Variants in ERBB4 observed in about 807,000 individuals in gnomAD.
ERBB4 encodes the protein erb-b2 receptor tyrosine kinase 4, also known as receptor tyrosine-protein kinase erbB-4.
In ERBB4, 42 loss-of-function variants were observed where a neutral mutation model predicts 158.0. That is an observed-to-expected ratio of 0.27 (90% CI 0.21 to 0.34). The LOEUF is 0.34. ERBB4 is among the 10% of genes least tolerant of loss of function. ERBB4 has a pLI of 1.00. For synonymous variants in ERBB4, 583 were observed against 558.7 expected, an observed-to-expected ratio of 1.04 and a Z score of -0.61; for missense variants, 1,333 against 1,624.1, an observed-to-expected ratio of 0.82 and a Z score of 3.08.
chr2:212,527,935 T>C (rs1185546769), intron 1 of ERBB4, among the ~76,000 whole-genome samples: 1 of 145,114 alleles, frequency 6.9e-6, no homozygotes, highest in Non-Finnish European at 1.5e-5. Context: ...TTCCCATCTA[T>C]GAGTGAGAAC....
At chr2:212,186,648 C>A (rs1211230361) in intron 1 of ERBB4, among the ~76,000 whole-genome samples, 1 of 152,068 alleles carries the variant, frequency 6.6e-6, no homozygotes, top group Non-Finnish European at 1.5e-5. Flanking sequence ...CTTTTCTCTG[C>A]CACTTTTGCA....
At chr2:211,652,893 G>A (rs967937488) in intron 16 of ERBB4, among the ~76,000 whole-genome samples, 23 of 152,058 alleles carry the variant, frequency 1.5e-4, no homozygotes, top group African/African-American at 4.3e-4. Context: ...TTTTGCCAAT[G>A]GAAACTTGAC....
chr2:212,220,537 T>A lies in ERBB4; in HGVS notation c.83-95634A>T, dbSNP rs191870025. On this transcript the variant is annotated intron_variant, in intron 1 of 27. Transcript: ENST00000342788. ...AATATAGCATTCTCCTAAGACCTCT[T>A]GTTCCTGGGATAATATATAGCAGGT... 1.8e-4 allele frequency among the ~76,000 whole-genome samples: 27 copies of A among 151,576 alleles called. No individual in the cohort carries two copies. In the East Asian group the frequency reaches 4.3e-3, roughly 24 times the overall value.
At chr2:211,786,358 A>T (rs75945224) in intron 4 of ERBB4, among the ~76,000 whole-genome samples, 2 of 152,356 alleles carry the variant, frequency 1.3e-5, no homozygotes, top group East Asian at 3.9e-4. Flanking sequence ...CATGCAGTAC[A>T]TATAATGTGT....
At chr2:212,233,079 G>C (rs538278499) in intron 1 of ERBB4, among the ~76,000 whole-genome samples, 1 of 152,172 alleles carries the variant, frequency 6.6e-6, no homozygotes, top group East Asian at 1.9e-4. Flanking sequence ...GTCCAAAAGA[G>C]ATTGGAATAT....
At chr2:211,834,771 T>C (rs2077303343) in intron 3 of ERBB4, among the ~76,000 whole-genome samples, 1 of 152,100 alleles carries the variant, frequency 6.6e-6, no homozygotes, top group Non-Finnish European at 1.5e-5. Context: ...TTAGGATCAC[T>C]TGTTCAGCAG....
chr2:212,421,984 G>GT (rs1277463011), intron 1 of ERBB4, among the ~76,000 whole-genome samples: 8 of 152,192 alleles, frequency 5.3e-5, no homozygotes, highest in African/African-American at 1.9e-4. Context: ...ATGCAGAAAA[G>GT]AGTTATTACT....
chr2:212,430,732 G>T (rs944442357), intron 1 of ERBB4, among the ~76,000 whole-genome samples: 1 of 152,224 alleles, frequency 6.6e-6, no homozygotes, highest in South Asian at 2.1e-4. Context: ...TACCAATCTT[G>T]TTTAGCATGA....
chr2:212,254,568 C>T (rs186534525), intron 1 of ERBB4, among the ~76,000 whole-genome samples: 3 of 152,244 alleles, frequency 2.0e-5, no homozygotes, highest in Admixed American at 2.0e-4. Flanking sequence ...GCAGTAATAT[C>T]CAGGCAGCCA....
At chr2:212,038,752 T>C (rs1315718954) in intron 2 of ERBB4, among the ~76,000 whole-genome samples, 2 of 152,148 alleles carry the variant, frequency 1.3e-5, no homozygotes, top group Non-Finnish European at 2.9e-5. Context: ...CTTAGCTAAG[T>C]GCTAGACTAA....
intron 4 of ERBB4, among the ~76,000 whole-genome samples, chr2:211,784,240 A>C (rs2076104461): frequency 6.6e-6 from 1 of 152,230 alleles, no homozygotes; most frequent in South Asian, 2.1e-4. Context: ...GACTCGTTAA[A>C]GAGCAATTGG....
chr2:211,994,658 T>C (rs2082155957), intron 2 of ERBB4, among the ~76,000 whole-genome samples: 1 of 151,954 alleles, frequency 6.6e-6, no homozygotes, highest in South Asian at 2.1e-4. Context: ...TCTGAACAAC[T>C]ATATAGAATT....
chr2:212,503,797 G>A (rs1002236886), intron 1 of ERBB4, among the ~76,000 whole-genome samples: 1 of 152,132 alleles, frequency 6.6e-6, no homozygotes, highest in Non-Finnish European at 1.5e-5. Flanking sequence ...TATTTACCAC[G>A]GGTGTTTTTG....
chr2:211,937,505 G>T (rs566226923), intron 3 of ERBB4, among the ~76,000 whole-genome samples: 1 of 151,960 alleles, frequency 6.6e-6, no homozygotes, highest in South Asian at 2.1e-4. Flanking sequence ...ACATTGCTGC[G>T]AAGATACCAC....
chr2:211,453,468 TA>T (rs2064300464), intron 20 of ERBB4, among the ~76,000 whole-genome samples: 1 of 152,190 alleles, frequency 6.6e-6, no homozygotes, highest in Non-Finnish European at 1.5e-5. Flanking sequence ...TACTATTTAA[TA>T]TCTTCACTAA....
intron 2 of ERBB4, among the ~76,000 whole-genome samples, chr2:211,954,570 T>C (rs943331285): frequency 6.6e-6 from 1 of 152,058 alleles, no homozygotes; most frequent in Admixed American, 6.6e-5. Context: ...ACAAATATAA[T>C]GCTGATTACT....
At chr2:211,782,307 T>C (rs2076055999) in intron 4 of ERBB4, among the ~76,000 whole-genome samples, 1 of 152,168 alleles carries the variant, frequency 6.6e-6, no homozygotes, top group Admixed American at 6.5e-5. Context: ...CATGAGACTG[T>C]GAAGTTGATG....
chr2:211,685,281 C>T (rs1265575896), intron 12 of ERBB4, among the ~76,000 whole-genome samples: 2 of 152,090 alleles, frequency 1.3e-5, no homozygotes, highest in Admixed American at 6.6e-5. Flanking sequence ...AATCTCATGA[C>T]CTGTTTTGAA....
Position 211,723,906 on chromosome 2 carries a change from C to T in ERBB4, c.741+1170G>A, listed in dbSNP as rs62182983. Among the ~76,000 whole-genome samples the T allele has an allele frequency of 6.8e-3, 1,029 of 152,258 alleles. 6 individuals carry two copies. The highest frequency in any genetic ancestry group is 0.02 in the Middle Eastern group (6 of 294). On this transcript the variant is annotated intron_variant, in intron 6 of 27. Coordinates refer to ENST00000342788, the MANE Select transcript of ERBB4 (RefSeq NM_005235.3). Reference sequence around the variant, plus strand: ...AAAAGCCAAAGTGGAATCATTAGACCGTTCCATAAAAGTAATGAAATGATA... The same window carrying T: ...AAAAGCCAAAGTGGAATCATTAGACTGTTCCATAAAAGTAATGAAATGATA...
Sources: allele counts gnomAD v4.1 joint callset (sites outside exome capture counted in the v4.1 genomes callset), GRCh38; gene constraint gnomAD v4.1.1; transcripts MANE v1.5; gene names NCBI Gene and HGNC (gene_info 2026-07-23, HGNC 2026-07-21).